Variants in PCDH9 observed in about 807,000 individuals in gnomAD.
PCDH9 encodes protocadherin 9.
Under a neutral mutation model 70.6 loss-of-function variants are expected in PCDH9, and 24 were observed. That is an observed-to-expected ratio of 0.34 (90% CI 0.25 to 0.48). The LOEUF (loss-of-function observed/expected upper bound fraction) is 0.48, where lower values mean the gene tolerates loss of function less well. Ranked by LOEUF, PCDH9 falls within the 20% of genes least tolerant of loss-of-function variation. The pLI is 0.99. For synonymous variants in PCDH9, 562 were observed against 558.5 expected (o/e 1.01, Z -0.09); for missense variants, 1,281 against 1,503.6 (o/e 0.85, Z 2.45).
At chr13:66,730,525 C>T (rs1033880635) in intron 3 of PCDH9, among the ~76,000 whole-genome samples, 3 of 152,082 alleles carry the variant, frequency 2.0e-5, no homozygotes, top group Non-Finnish European at 2.9e-5. Flanking sequence ...TCCCAGGGCA[C>T]CATGTACCAG....
At chr13:66,740,284 G>A (rs1461759116) in intron 3 of PCDH9, among the ~76,000 whole-genome samples, 1 of 120,412 alleles carries the variant, frequency 8.3e-6, no homozygotes, top group Non-Finnish European at 1.8e-5. Flanking sequence ...GATGTTCTTT[G>A]AAACCAACGA....
At chr13:66,788,216 G>A (rs77409519) in intron 3 of PCDH9, among the ~76,000 whole-genome samples, 4,255 of 152,218 alleles carry the variant, frequency 0.028, 176 homozygotes, top group African/African-American at 0.094. Flanking sequence ...GCAAGAGAGA[G>A]CCAAGGTCTT....
chr13:67,050,664 C>T (rs2085304077), intron 2 of PCDH9, among the ~76,000 whole-genome samples: 2 of 152,254 alleles, frequency 1.3e-5, no homozygotes, highest in South Asian at 4.1e-4. Flanking sequence ...AGGATGGGTA[C>T]TTTAATGATT....
At chr13:66,567,171 T>C (rs2076664945) in intron 4 of PCDH9, among the ~76,000 whole-genome samples, 1 of 152,128 alleles carries the variant, frequency 6.6e-6, no homozygotes, top group South Asian at 2.1e-4. Context: ...CAAGATGCAT[T>C]AAGTATTTGT....
intron 4 of PCDH9, among the ~76,000 whole-genome samples, chr13:66,581,053 T>C (rs1348653391): frequency 1.3e-5 from 2 of 152,176 alleles, no homozygotes; most frequent in Non-Finnish European, 2.9e-5. Context: ...AATTCTTACA[T>C]TAAAGTCTTT....
chr13:67,058,529 A>C (rs1164421929), intron 2 of PCDH9, among the ~76,000 whole-genome samples: 1 of 152,124 alleles, frequency 6.6e-6, no homozygotes, highest in Non-Finnish European at 1.5e-5. Flanking sequence ...GATAAACCAA[A>C]AGCTGTAATT....
intron 3 of PCDH9, among the ~76,000 whole-genome samples, chr13:66,779,831 C>A (rs2079961481): frequency 4.3e-5 from 1 of 23,432 alleles, no homozygotes; most frequent in African/African-American, 9.7e-5. Flanking sequence ...CTCTCTCTCT[C>A]TCTCTCTCTC....
At chr13:66,414,699 C>T (rs1957433091) in intron 4 of PCDH9, among the ~76,000 whole-genome samples, 1 of 152,148 alleles carries the variant, frequency 6.6e-6, no homozygotes, top group African/African-American at 2.4e-5. Flanking sequence ...AGAGATAAGA[C>T]TTGCTCATGT....
chr13:67,044,242 G>C (rs1428545223), intron 2 of PCDH9, among the ~76,000 whole-genome samples: 2 of 151,828 alleles, frequency 1.3e-5, no homozygotes, highest in East Asian at 3.9e-4. Flanking sequence ...TCAATCGAGA[G>C]AAAAATGGAA....
At chr13:67,052,186 T>C (rs1022261224) in intron 2 of PCDH9, among the ~76,000 whole-genome samples, 3 of 152,060 alleles carry the variant, frequency 2.0e-5, no homozygotes, top group African/African-American at 2.4e-5. Context: ...ACATGAATGA[T>C]AAGGGCAAGC....
At chr13:66,422,370 CACAT>C (rs1957583115) in intron 4 of PCDH9, among the ~76,000 whole-genome samples, 1 of 152,144 alleles carries the variant, frequency 6.6e-6, no homozygotes, top group Non-Finnish European at 1.5e-5. Context: ...TTTTCAGCAC[CACAT>C]AGCACTTACT....
At chr13:66,408,640 C>A (rs1957322819) in intron 4 of PCDH9, among the ~76,000 whole-genome samples, 1 of 152,112 alleles carries the variant, frequency 6.6e-6, no homozygotes, top group South Asian at 2.1e-4. Context: ...GAGTCTTGAA[C>A]AACCAAATGC....
chr13:66,500,744 CTA>C (rs1422171712), intron 4 of PCDH9, among the ~76,000 whole-genome samples: 1 of 151,966 alleles, frequency 6.6e-6, no homozygotes, highest in Non-Finnish European at 1.5e-5. Context: ...CTTGCTTTTC[CTA>C]TATGTTTCCT....
chr13:66,474,230 AAC>A (rs1194011778), intron 4 of PCDH9, among the ~76,000 whole-genome samples: 1 of 152,152 alleles, frequency 6.6e-6, no homozygotes, highest in Non-Finnish European at 1.5e-5. Context: ...TGAATTAGAA[AAC>A]ACAGCTCCAT....
intron 3 of PCDH9, among the ~76,000 whole-genome samples, chr13:66,870,483 A>G (rs2081657163): frequency 6.6e-6 from 1 of 152,120 alleles, no homozygotes; most frequent in Non-Finnish European, 1.5e-5. Context: ...CTTGCGACCT[A>G]CTCTTCTGAC....
chr13:66,351,015 A>G (rs1956283651), intron 4 of PCDH9, among the ~76,000 whole-genome samples: 1 of 152,214 alleles, frequency 6.6e-6, no homozygotes, highest in African/African-American at 2.4e-5. Context: ...AACTGAACAT[A>G]ACCAAGAAGA....
intron 3 of PCDH9, among the ~76,000 whole-genome samples, chr13:66,723,796 A>T (rs966078443): frequency 6.6e-6 from 1 of 152,192 alleles, no homozygotes; most frequent in East Asian, 1.9e-4. Context: ...TGCCCAGAAT[A>T]CTAATGAAAA....
intron 2 of PCDH9, among the ~76,000 whole-genome samples, chr13:67,196,298 T>C (rs780686388): frequency 1.1e-4 from 17 of 152,200 alleles, no homozygotes; most frequent in African/African-American, 7.2e-5. Flanking sequence ...AAAGAGGAAT[T>C]GTAATTGAGA....
chr13:66,720,864 A>G lies in PCDH9; in HGVS notation c.3139-89453T>C, dbSNP rs149430093. Among the ~76,000 whole-genome samples the G allele has an allele frequency of 5.2e-3, 789 of 152,316 alleles. 4 individuals are homozygous for G. The highest frequency in any genetic ancestry group is 0.014 in the South Asian group (66 of 4,824). On this transcript the variant is annotated intron_variant, in intron 3 of 4. Transcript: ENST00000377865. ...TATAATAGGAACTTGATAATTGTAT[A>G]GTCTGGGTCCAAAAATCCAAATGGA...
Sources: allele counts gnomAD v4.1 joint callset (sites outside exome capture counted in the v4.1 genomes callset), GRCh38; gene constraint gnomAD v4.1.1; transcripts MANE v1.5; gene names NCBI Gene and HGNC (gene_info 2026-07-23, HGNC 2026-07-21).